The following CASD1 variants were observed in gnomAD, a reference collection of about 807,000 sequenced individuals.
CASD1 encodes CAS1 domain sialic acid O acetyltransferase 1.
CASD1 carries 41 observed loss-of-function variants against 100.0 expected under a neutral mutation model. The ratio of observed to expected loss-of-function variants is 0.41; its 90% confidence interval spans 0.32 to 0.53. The LOEUF (loss-of-function observed/expected upper bound fraction) is 0.53, where lower values mean the gene tolerates loss of function less well. CASD1 is among the 20% of genes least tolerant of loss of function. CASD1 has a pLI of 0.25. For missense variants in CASD1, 774 were observed against 948.7 expected, an observed-to-expected ratio of 0.82 and a Z score of 2.42; for synonymous variants, 321 against 315.6, an observed-to-expected ratio of 1.02 and a Z score of -0.18.
the CASD1 span, among the ~76,000 whole-genome samples, chr7:94,574,628 A>C: frequency 6.7e-6 from 1 of 149,454 alleles, no homozygotes; most frequent in Non-Finnish European, 1.5e-5. Context: ...TTTCTCCTTT[A>C]TTAGTCCAGC....
chr7:94,540,534 T>C (rs1204076998), intron 10 of CASD1, among the ~76,000 whole-genome samples: 4 of 152,220 alleles, frequency 2.6e-5, no homozygotes, highest in Admixed American at 2.6e-4. Flanking sequence ...GTATAAATGT[T>C]ACTAAAATTA....
chr7:94,559,645 C>T (rs923244235), downstream of CASD1, among the ~76,000 whole-genome samples: 1 of 152,152 alleles, frequency 6.6e-6, no homozygotes, highest in Non-Finnish European at 1.5e-5. Flanking sequence ...CCTGCCTCAG[C>T]TTCCCAGGTA....
At chr7:94,596,274 A>G in the CASD1 span, among the ~76,000 whole-genome samples, 1 of 152,140 alleles carries the variant, frequency 6.6e-6, no homozygotes, top group East Asian at 1.9e-4. Context: ...TTCTAACCAC[A>G]GGGAATCAAA....
chr7:94,605,878 C>A, the CASD1 span, among the ~76,000 whole-genome samples: 1 of 151,980 alleles, frequency 6.6e-6, no homozygotes, highest in Non-Finnish European at 1.5e-5. Context: ...CCCTGTCACC[C>A]AGGCTGGAGT....
the CASD1 span, among the ~76,000 whole-genome samples, chr7:94,570,814 T>C: frequency 6.6e-6 from 1 of 152,154 alleles, no homozygotes; most frequent in East Asian, 1.9e-4. Context: ...TTTTAAATCA[T>C]GTAGAAAATT....
rs1330863282 is a variant in CASD1 at position 94,533,687 on chromosome 7, C to G, written c.513C>G (p.Ile171Met). 6.3e-7 allele frequency: 1 copy of G among 1,595,508 alleles called. No individual in the cohort carries two copies. Among genetic ancestry groups the G allele is most frequent in the Non-Finnish European group, 8.5e-7 (1 of 1,171,606 alleles). The change falls in exon 7 of 18, where the codon ATC becomes ATG. Residue 171 changes from isoleucine (I) to methionine (M), a missense_variant. By Grantham distance (10) the Ile-to-Met change is conservative. This residue lies in a region of CASD1 where 453 missense variants were observed against 532.6 expected (regional missense o/e 0.85). Transcript: ENST00000297273. ...TTTGTACTTCTTTTTAGTGGTCCAT[C>G]AAGATTCACAATGGTAGCAGTGAAG... ...VIVAGAATWS[I>M]KIHNGSSEAL...
At chr7:94,592,591 G>A in the CASD1 span, among the ~76,000 whole-genome samples, 1 of 152,064 alleles carries the variant, frequency 6.6e-6, no homozygotes, top group Non-Finnish European at 1.5e-5. Context: ...ATAGAAAATT[G>A]TGTAAATTAG....
intron 3 of CASD1, among the ~76,000 whole-genome samples, chr7:94,519,712 G>C (rs1420007285): frequency 6.6e-6 from 1 of 151,778 alleles, no homozygotes; most frequent in Admixed American, 6.6e-5. Context: ...TCACTATTTC[G>C]CCCAAGCTGG....
the CASD1 span, among the ~76,000 whole-genome samples, chr7:94,604,309 T>C: frequency 6.6e-6 from 1 of 151,912 alleles, no homozygotes; most frequent in Non-Finnish European, 1.5e-5. Flanking sequence ...AAAATGACAA[T>C]GTAAAATGAA....
At chr7:94,621,471 C>T in the CASD1 span, 1 of 152,230 alleles carries the variant, frequency 6.6e-6, no homozygotes, top group African/African-American at 2.4e-5. Flanking sequence ...TTAGTATCTA[C>T]TTGACCACAG....
chr7:94,575,562 T>C, the CASD1 span, among the ~76,000 whole-genome samples: 1 of 152,198 alleles, frequency 6.6e-6, no homozygotes, highest in Admixed American at 6.5e-5. Flanking sequence ...TCAGATCCAT[T>C]TGGTCCAGTG....
At chr7:94,587,459 T>C in the CASD1 span, 3 of 1,227,470 alleles carry the variant, frequency 2.4e-6, no homozygotes, top group African/African-American at 4.7e-5. Context: ...AGCTACAAGG[T>C]TAATAACGAA....
At chr7:94,555,209 T>C (rs1208645226) in intron 17 of CASD1, among the ~76,000 whole-genome samples, 3 of 152,126 alleles carry the variant, frequency 2.0e-5, no homozygotes, top group African/African-American at 7.2e-5. Flanking sequence ...ATAGGATTTA[T>C]TAAATTGTCT....
the CASD1 span, chr7:94,618,545 T>C: frequency 1.9e-6 from 1 of 538,148 alleles, no homozygotes; most frequent in African/African-American, 1.9e-5. Context: ...CATCTACAAT[T>C]AGATTTCACA....
Position 94,537,798 on chromosome 7 carries a change from C to T in CASD1, c.1170C>T (p.Phe390=), listed in dbSNP as rs374991658. ...ATATGTGTGACCGTGCAAATCTGTT[C>T]ATGAAGGAAAACAAATTTTATACAC... ...YFYMCDRANL[F]MKENKFYTHS... The change falls in exon 9 of 18, where the codon TTC becomes TTT. Residue 390 remains phenylalanine, a synonymous_variant. Coordinates refer to ENST00000297273, the MANE Select transcript of CASD1 (RefSeq NM_022900.5). The T allele has an allele frequency of 1.2e-6, 2 of 1,611,688 alleles. No homozygotes were observed. The highest frequency in any genetic ancestry group is 1.7e-6 in the Non-Finnish European group (2 of 1,178,260).
At chr7:94,623,748 C>A in the CASD1 span, 8 of 390,904 alleles carry the variant, frequency 2.0e-5, no homozygotes, top group South Asian at 1.3e-4. Context: ...AAAAAAAAAA[C>A]AATAATTTTT....
In CASD1 at chr7:94,537,833, T is replaced by C. The variant is rs757189756; in HGVS notation, c.1205T>C (p.Phe402Ser). The stretch of plus-strand genomic sequence containing the variant: ...AACAAATTTTATACACATTCATCTT[T>C]CTTTATTCCAATTATCTACATTTTG... ...KENKFYTHSS[F>S]FIPIIYILVL... The change falls in exon 9 of 18, where the codon TTC (phenylalanine) becomes TCC (serine). Residue 402 changes from phenylalanine to serine, a missense_variant. Phe to Ser is a radical substitution (Grantham distance 155, BLOSUM62 -2). Around this residue, in one of 5 missense-constraint regions of CASD1, gnomAD observed 453 missense variants for 532.6 expected, o/e 0.85. Coordinates refer to ENST00000297273, the MANE Select transcript of CASD1 (RefSeq NM_022900.5). 1 of 1,585,394 alleles carries C rather than the reference T, an allele frequency of 6.3e-7. No individual in the cohort carries two copies. Among genetic ancestry groups the C allele is most frequent in the Non-Finnish European group, 8.7e-7 (1 of 1,154,334 alleles).
At chr7:94,601,800 A>G in the CASD1 span, among the ~76,000 whole-genome samples, 1 of 152,194 alleles carries the variant, frequency 6.6e-6, no homozygotes, top group Non-Finnish European at 1.5e-5. Flanking sequence ...TGTCCTGCAC[A>G]TTGGCGGCTT....
the CASD1 span, chr7:94,585,217 C>G: frequency 5.5e-6 from 2 of 361,050 alleles, no homozygotes; most frequent in Non-Finnish European, 1.0e-5. Flanking sequence ...GTAAATTTCA[C>G]CAGTCATTAG....
Sources: gnomAD v4.1 joint callset for allele counts (sites outside exome capture counted in the v4.1 genomes callset) on GRCh38, gnomAD v4.1.1 for gene constraint, gnomAD v4.1.1 regional missense constraint, MANE v1.5 for transcripts, NCBI Gene and HGNC (gene_info 2026-07-23, HGNC 2026-07-21) for gene names.